NVL: variants seen among roughly 807,000 people sequenced by gnomAD.
NVL encodes nuclear VCP like.
NVL carries 84 observed loss-of-function variants against 110.2 expected under a neutral mutation model. The ratio of observed to expected loss-of-function variants is 0.76; its 90% confidence interval spans 0.64 to 0.91. The LOEUF is 0.91. Among genes scored for constraint, NVL ranks in the 40% least tolerant of loss-of-function variants. The pLI is 0.00. For synonymous variants in NVL, 354 were observed against 361.1 expected, an observed-to-expected ratio of 0.98 and a Z score of 0.22; for missense variants, 882 against 1,035.9, an observed-to-expected ratio of 0.85 and a Z score of 2.04.
intron 4 of NVL, among the ~76,000 whole-genome samples, chr1:224,314,557 A>T (rs910501785): frequency 6.6e-6 from 1 of 152,234 alleles, no homozygotes; most frequent in Non-Finnish European, 1.5e-5. Context: ...TAGCAAAATT[A>T]AAATTTATCG....
At chr1:224,267,753 G>A (rs1007358372) in intron 18 of NVL, among the ~76,000 whole-genome samples, 6 of 150,282 alleles carry the variant, frequency 4.0e-5, no homozygotes, top group Admixed American at 4.0e-4. Context: ...TCTAAGCACC[G>A]ACACAGAAAA....
chr1:224,324,664 G>T (rs1670966941), intron 2 of NVL, among the ~76,000 whole-genome samples: 1 of 152,134 alleles, frequency 6.6e-6, no homozygotes. Flanking sequence ...GAACTCTATG[G>T]CCTTAAGCCA....
intron 19 of NVL, among the ~76,000 whole-genome samples, chr1:224,247,921 G>A (rs1364909265): frequency 6.6e-6 from 1 of 152,192 alleles, no homozygotes; most frequent in Non-Finnish European, 1.5e-5. Flanking sequence ...TGTTCCCTGG[G>A]GACGTGAGGT....
In NVL at chr1:224,304,805, G is replaced by C. The variant is rs749941930; in HGVS notation, c.756C>G (p.Ala252=). The change falls in exon 8 of 23, where the codon GCC becomes GCG. Residue 252 remains alanine, a synonymous_variant. Coordinates refer to ENST00000281701, the MANE Select transcript of NVL (RefSeq NM_002533.4). Reference sequence around the variant, plus strand: ...TGGAGATCTGGAATTCTAACCCCCTGGCTTTAGCTGGTAAACAAAAATGAG... The same window carrying C: ...TGGAGATCTGGAATTCTAACCCCCTCGCTTTAGCTGGTAAACAAAAATGAG... ...IEAVLQKKAK[A]RGLEFQISNV... is the part of the protein sequence containing the mutation. 3 of 1,613,642 alleles carry C rather than the reference G, an allele frequency of 1.9e-6. No homozygotes were observed. In the South Asian group the frequency reaches 3.3e-5, roughly 18 times the overall value.
chr1:224,320,504 A>G (rs867621784), intron 2 of NVL, among the ~76,000 whole-genome samples: 8 of 152,120 alleles, frequency 5.3e-5, no homozygotes, highest in Middle Eastern at 3.2e-3. Flanking sequence ...AAAATCAGCC[A>G]GGCATGGTGG....
At chr1:224,309,772 T>C (rs1669325800) in intron 5 of NVL, among the ~76,000 whole-genome samples, 1 of 152,180 alleles carries the variant, frequency 6.6e-6, no homozygotes, top group Non-Finnish European at 1.5e-5. Flanking sequence ...CTCATGTCTG[T>C]TATTCCAGCA....
intron 1 of NVL, among the ~76,000 whole-genome samples, chr1:224,327,939 G>T (rs193076473): frequency 6.6e-6 from 1 of 152,026 alleles, no homozygotes; most frequent in Admixed American, 6.6e-5. Flanking sequence ...GTGTGGCTGG[G>T]ACAGGAGAGG....
chr1:224,326,447 T>C lies in NVL; in HGVS notation c.75A>G (p.Lys25=), dbSNP rs1386623438. ...QRVIQYLTSN[K]CGKYVDIGVL... ...CTCCAATGTCCACATATTTGCCACA[T>C]TTGTTACTGGTAAGGTACTAAAACA... The change falls in exon 2 of 23, where the codon AAA becomes AAG. Residue 25 remains lysine, a synonymous_variant. Coordinates refer to ENST00000281701, the MANE Select transcript of NVL (RefSeq NM_002533.4). 1.9e-6 allele frequency: 3 copies of C among 1,611,798 alleles called. No individual in the cohort carries two copies. The highest frequency in any genetic ancestry group is 1.1e-5 in the South Asian group (1 of 90,876).
intron 18 of NVL, among the ~76,000 whole-genome samples, chr1:224,259,907 T>G (rs1663773700): frequency 6.6e-6 from 1 of 151,504 alleles, no homozygotes; most frequent in Non-Finnish European, 1.5e-5. Flanking sequence ...TGGCCTCAAG[T>G]GATCTGCTCA....
At chr1:224,301,277 G>A (rs539270482) in intron 9 of NVL, among the ~76,000 whole-genome samples, 15 of 151,850 alleles carry the variant, frequency 9.9e-5, no homozygotes, top group East Asian at 1.9e-4. Flanking sequence ...GCAATTCTTC[G>A]TTTTTTTTGG....
rs551709017 is a variant in NVL at position 224,255,735 on chromosome 1, A to G, written c.2183-5417T>C. Reference sequence around the variant, plus strand: ...TATTGGCACTTTTGAAGAGCAGTTCAGTTTATCTATTTGCTCTTTTATGGT... The same window carrying G: ...TATTGGCACTTTTGAAGAGCAGTTCGGTTTATCTATTTGCTCTTTTATGGT... On this transcript the variant is annotated intron_variant, in intron 18 of 22. Transcript: ENST00000281701. Among the ~76,000 whole-genome samples, 5 of 152,282 alleles carry G rather than the reference A, an allele frequency of 3.3e-5. No individual in the cohort carries two copies. In the South Asian group the frequency reaches 1.0e-3, roughly 32 times the overall value.
At chr1:224,254,858 C>T (rs559780432) in intron 18 of NVL, among the ~76,000 whole-genome samples, 6 of 147,822 alleles carry the variant, frequency 4.1e-5, no homozygotes, top group Admixed American at 1.4e-4. Flanking sequence ...TACCTTTTGG[C>T]TACTTTTAAA....
chr1:224,317,593 A>G (rs999086623), intron 4 of NVL, 101 bp downstream of exon 4: 1 of 707,826 alleles, frequency 1.4e-6, no homozygotes, highest in Admixed American at 2.4e-5. Context: ...AATATCACGC[A>G]GGGCTTTGTT....
Position 224,305,183 on chromosome 1 carries a change from T to C in NVL, c.616-17A>G. ...TTTTGAATCCTGGAAAGAAAATAAA[T>C]TTAAATATGCCATGCTTAAAATTCT... On this transcript the variant is annotated splice_polypyrimidine_tract_variant and intron_variant, in intron 6 of 22. Transcript: ENST00000281701. 6.3e-7 allele frequency: 1 copy of C among 1,592,390 alleles called. No homozygotes were observed. Among genetic ancestry groups the C allele is most frequent in the Non-Finnish European group, 8.5e-7 (1 of 1,174,602 alleles).
chr1:224,281,473 T>A (rs557092029), intron 15 of NVL, among the ~76,000 whole-genome samples: 1 of 151,646 alleles, frequency 6.6e-6, no homozygotes, highest in South Asian at 2.1e-4. Flanking sequence ...GCTAATTTTT[T>A]ATATTTTTAG....
chr1:224,319,116 C>T (rs1345493833), intron 2 of NVL, among the ~76,000 whole-genome samples: 4 of 120,606 alleles, frequency 3.3e-5, no homozygotes, highest in African/African-American at 1.3e-4. Context: ...GATCACACCA[C>T]TGCACTCCAG....
In NVL at chr1:224,281,107, T is replaced by G. The variant is rs374441989; in HGVS notation, c.1962+16A>C. ...TTTTTCTAATCTAAAATAATGGTTCTTGCTCAATAACTTACCATGTTTAGT... is the reference window on the plus strand; with the variant it reads ...TTTTTCTAATCTAAAATAATGGTTCGTGCTCAATAACTTACCATGTTTAGT... On this transcript the variant is annotated intron_variant, in intron 16 of 22. Transcript: ENST00000281701. The G allele has an allele frequency of 6.2e-7, 1 of 1,609,062 alleles. No individual in the cohort carries two copies. The highest frequency in any genetic ancestry group is 1.1e-5 in the South Asian group (1 of 90,966).
At chr1:224,321,154 G>A (rs970774495) in intron 2 of NVL, among the ~76,000 whole-genome samples, 1 of 152,184 alleles carries the variant, frequency 6.6e-6, no homozygotes, top group African/African-American at 2.4e-5. Flanking sequence ...GGGGGCTGAG[G>A]CAGAAGGATG....
intron 18 of NVL, among the ~76,000 whole-genome samples, chr1:224,260,728 GT>G (rs1663878895): frequency 6.9e-6 from 1 of 144,600 alleles, no homozygotes; most frequent in Non-Finnish European, 1.5e-5. Flanking sequence ...TTGAGACAGG[GT>G]CTTGCTCTGT....
Sources: allele counts gnomAD v4.1 joint callset (sites outside exome capture counted in the v4.1 genomes callset), GRCh38; gene constraint gnomAD v4.1.1; transcripts MANE v1.5; gene names NCBI Gene and HGNC (gene_info 2026-07-23, HGNC 2026-07-21).